CHST8: variants seen among roughly 807,000 people sequenced by gnomAD.
CHST8 encodes carbohydrate sulfotransferase 8.
A neutral mutation model predicts 15.0 loss-of-function variants in CHST8; 10 were observed. That is an observed-to-expected ratio of 0.67 (90% CI 0.41 to 1.13). The LOEUF is 1.13. CHST8 is among the 50% of genes most tolerant of loss of function. CHST8 has a pLI of 0.00. For synonymous variants in CHST8, 259 were observed against 256.6 expected (o/e 1.01, Z -0.09); for missense variants, 634 against 608.2 (o/e 1.04, Z -0.45).
At chr19:33,771,300 C>T (rs1974977787) in intron 3 of CHST8, 113 bp from the exon 4 acceptor site, 2 of 1,045,932 alleles carry the variant, frequency 1.9e-6, no homozygotes, top group South Asian at 2.6e-5. Context: ...TCCCTAGAGC[C>T]TACCCCAAGA....
In CHST8 at chr19:33,772,254, C is replaced by A. The variant is rs1203253576; in HGVS notation, c.466C>A (p.Arg156Ser). 2.8e-5 allele frequency: 44 copies of A among 1,599,482 alleles called. No individual in the cohort carries two copies. Among genetic ancestry groups the A allele is most frequent in the Non-Finnish European group, 3.7e-5 (43 of 1,178,058 alleles). Residue 156 changes from arginine (R) to serine (S), a missense_variant, in exon 5 of 5, where the codon CGC becomes AGC. Transcript: ENST00000650847. Reference sequence around the variant, plus strand: ...CAGCCTGCACCGGAGCCAGCAGGAGCGCAAGCGGGTGATGCAGGAGGCCTG... The same window carrying A: ...CAGCCTGCACCGGAGCCAGCAGGAGAGCAAGCGGGTGATGCAGGAGGCCTG... Reference protein sequence around the residue: ...WVSLHRSQQERKRVMQEACAK... With the variant: ...WVSLHRSQQESKRVMQEACAK...
In CHST8 at chr19:33,720,773, C is replaced by T. The variant is rs1278774242; in HGVS notation, c.130+31382C>T. 2.6e-5 allele frequency among the ~76,000 whole-genome samples: 4 copies of T among 152,272 alleles called. No individual in the cohort carries two copies. The East Asian group carries it at 7.7e-4, about 29-fold the overall frequency. The stretch of plus-strand genomic sequence containing the variant: ...GGAGCCTCCAGGGCAGGCCCCCACT[C>T]CCCTATCCTCCTTCCACTATGCAGT... On this transcript the variant is annotated intron_variant, in intron 3 of 4. Coordinates refer to ENST00000650847, the MANE Select transcript of CHST8 (RefSeq NM_001127895.2).
Position 33,772,391 on chromosome 19 carries a change from C to G in CHST8, c.603C>G (p.Gly201=). 6.2e-7 allele frequency: 1 copy of G among 1,608,966 alleles called. No homozygotes were observed. Among genetic ancestry groups the G allele is most frequent in the Non-Finnish European group, 8.5e-7 (1 of 1,179,366 alleles). Residue 201 remains glycine, a synonymous_variant, in exon 5 of 5, where the codon GGC becomes GGG. Coordinates refer to ENST00000650847, the MANE Select transcript of CHST8 (RefSeq NM_001127895.2). ...TCTACTGCGAGGTGCCCAAGGCCGG[C>G]TGCTCCAATTGGAAGCGGGTGCTCA... ...RVLYCEVPKA[G]CSNWKRVLMV... is the part of the protein sequence containing the mutation.
chr19:33,714,644 C>T (rs1259630979), intron 3 of CHST8, among the ~76,000 whole-genome samples: 2 of 152,210 alleles, frequency 1.3e-5, no homozygotes, highest in Non-Finnish European at 2.9e-5. Flanking sequence ...TTGTAACTCC[C>T]ACAATTCCCA....
chr19:33,744,542 G>A (rs1974273474), intron 3 of CHST8: 1 of 151,924 alleles, frequency 6.6e-6, no homozygotes. Flanking sequence ...TCAGAAGCTG[G>A]ATACTCTTCC....
chr19:33,761,901 A>G (rs960537338), intron 3 of CHST8, among the ~76,000 whole-genome samples: 1 of 152,128 alleles, frequency 6.6e-6, no homozygotes, highest in Admixed American at 6.5e-5. Context: ...AAGAAGAGGC[A>G]TGATCTGCTG....
chr19:33,645,908 C>G (rs1479309521), intron 1 of CHST8, among the ~76,000 whole-genome samples: 1 of 152,104 alleles, frequency 6.6e-6, no homozygotes, highest in Non-Finnish European at 1.5e-5. Context: ...GGGTGAATTG[C>G]TTGAGGCCAG....
intron 2 of CHST8, among the ~76,000 whole-genome samples, chr19:33,677,162 G>A (rs957804655): frequency 2.0e-5 from 3 of 152,110 alleles, no homozygotes; most frequent in South Asian, 2.1e-4. Context: ...AGCCGGCAGG[G>A]GGGGGCACTG....
intron 3 of CHST8, among the ~76,000 whole-genome samples, chr19:33,720,045 G>A (rs986763901): frequency 3.3e-5 from 5 of 152,008 alleles, no homozygotes; most frequent in Admixed American, 3.3e-4. Flanking sequence ...CTGTGGTGTC[G>A]GCAGCCCCGC....
At chr19:33,707,768 T>C (rs1973475332) in intron 3 of CHST8, among the ~76,000 whole-genome samples, 2 of 152,182 alleles carry the variant, frequency 1.3e-5, no homozygotes, top group African/African-American at 4.8e-5. Flanking sequence ...CTTGGGTAAA[T>C]ATTTAGGAGT....
At chr19:33,742,509 T>G (rs1357806110) in intron 3 of CHST8, among the ~76,000 whole-genome samples, 2 of 152,152 alleles carry the variant, frequency 1.3e-5, no homozygotes, top group Non-Finnish European at 2.9e-5. Context: ...AAGAACTCGC[T>G]CATTACCATG....
At chr19:33,717,984 T>G (rs1973693947) in intron 3 of CHST8, among the ~76,000 whole-genome samples, 1 of 152,168 alleles carries the variant, frequency 6.6e-6, no homozygotes, top group Admixed American at 6.5e-5. Context: ...CAAACGGACT[T>G]GCAGTCTCCA....
chr19:33,755,747 C>T (rs542820963), intron 3 of CHST8, among the ~76,000 whole-genome samples: 2 of 152,320 alleles, frequency 1.3e-5, no homozygotes, highest in African/African-American at 4.8e-5. Flanking sequence ...CTCTTCGTCC[C>T]GAGAGCAGCT....
chr19:33,720,752 C>A (rs1008462094), intron 3 of CHST8, among the ~76,000 whole-genome samples: 1 of 152,238 alleles, frequency 6.6e-6, no homozygotes, highest in Non-Finnish European at 1.5e-5. Context: ...GTGTCAGGAG[C>A]CTCCAGGGCA....
At chr19:33,706,350 A>C (rs1353270504) in intron 3 of CHST8, among the ~76,000 whole-genome samples, 1 of 152,164 alleles carries the variant, frequency 6.6e-6, no homozygotes, top group East Asian at 1.9e-4. Flanking sequence ...ATGTGTGTGC[A>C]TGTGTGTGTG....
intron 1 of CHST8, among the ~76,000 whole-genome samples, chr19:33,649,275 T>C (rs78120465): frequency 0.06 from 9,064 of 152,126 alleles, 728 homozygotes; most frequent in African/African-American, 0.19. Context: ...GGTTTGCATT[T>C]CCCCAATGAG....
intron 1 of CHST8, among the ~76,000 whole-genome samples, chr19:33,663,701 T>G (rs776689791): frequency 6.6e-6 from 1 of 152,042 alleles, no homozygotes; most frequent in Non-Finnish European, 1.5e-5. Context: ...TGAAACTCTG[T>G]CACTATAAAA....
At chr19:33,683,788 G>A (rs934771485) in intron 2 of CHST8, among the ~76,000 whole-genome samples, 4 of 152,212 alleles carry the variant, frequency 2.6e-5, no homozygotes, top group Non-Finnish European at 5.9e-5. Flanking sequence ...GAGGCAGGTG[G>A]CAAATGCTTT....
intron 3 of CHST8, among the ~76,000 whole-genome samples, chr19:33,730,651 T>A (rs926081693): frequency 6.6e-6 from 1 of 152,314 alleles, no homozygotes; most frequent in African/African-American, 2.4e-5. Context: ...AGTGTATTAG[T>A]CAGGGTTTTC....
Sources: allele counts gnomAD v4.1 joint callset (sites outside exome capture counted in the v4.1 genomes callset), GRCh38; gene constraint gnomAD v4.1.1; transcripts MANE v1.5; gene names NCBI Gene and HGNC (gene_info 2026-07-23, HGNC 2026-07-21).